The following LIG1 variants were observed in gnomAD, a reference collection of about 807,000 sequenced individuals.
LIG1 encodes ligase I, DNA, ATP-dependent.
A neutral mutation model predicts 115.7 loss-of-function variants in LIG1; 70 were observed. That is an observed-to-expected ratio of 0.60 (90% CI 0.50 to 0.74). The LOEUF is 0.74. Ranked by LOEUF, LIG1 falls within the 30% of genes least tolerant of loss-of-function variation. The probability of loss-of-function intolerance (pLI) is 0.00; values close to 1 mark genes in which losing one functional copy is unlikely to be tolerated. For missense variants in LIG1, 1,115 were observed against 1,225.6 expected (o/e 0.91, Z 1.35); for synonymous variants, 487 against 495.3 (o/e 0.98, Z 0.22).
intron 16 of LIG1, 53 bp downstream of exon 16, chr19:48,135,627 C>A: frequency 7.0e-7 from 1 of 1,428,766 alleles, no homozygotes. Context: ...CCACCCCCAC[C>A]CTGGCACTCT....
chr19:48,156,363 C>T (rs1395317014), intron 5 of LIG1, among the ~76,000 whole-genome samples: 1 of 152,182 alleles, frequency 6.6e-6, no homozygotes, highest in African/African-American at 2.4e-5. Flanking sequence ...TCCATCTCAG[C>T]GCATAACTAC....
chr19:48,136,622 G>A (rs2034406986), intron 14 of LIG1, among the ~76,000 whole-genome samples: 1 of 152,156 alleles, frequency 6.6e-6, no homozygotes. Context: ...ATGAGGTAAG[G>A]CACGGGGCAC....
chr19:48,120,796 G>GAA, intron 24 of LIG1: 35 of 460,556 alleles, frequency 7.6e-5, no homozygotes, highest in South Asian at 1.2e-4. Context: ...GCACATGGCA[G>GAA]AAAAAAAAAA....
intron 9 of LIG1, among the ~76,000 whole-genome samples, chr19:48,147,961 G>C (rs1405752785): frequency 6.6e-6 from 1 of 152,216 alleles, no homozygotes; most frequent in Non-Finnish European, 1.5e-5. Flanking sequence ...CTGGCTCTGT[G>C]GGAAGGAGCT....
intron 21 of LIG1, 39 bp from the exon 22 acceptor site, chr19:48,123,357 T>C (rs777266972): frequency 6.2e-7 from 1 of 1,606,612 alleles, no homozygotes; most frequent in South Asian, 1.1e-5. Flanking sequence ...GAGACATCTT[T>C]GTGAGAATAA....
chr19:48,143,396 C>A (rs982976070), intron 11 of LIG1, 147 bp downstream of exon 11: 1 of 812,106 alleles, frequency 1.2e-6, no homozygotes, highest in Non-Finnish European at 2.2e-6. Context: ...GCTTTTGTGA[C>A]CATGTCTGAC....
intron 19 of LIG1, among the ~76,000 whole-genome samples, chr19:48,128,965 G>A (rs2033847628): frequency 6.6e-6 from 1 of 152,016 alleles, no homozygotes; most frequent in Admixed American, 6.6e-5. Context: ...TCACCATGTT[G>A]GCCAGGCTGG....
chr19:48,141,481 G>A lies in LIG1; in HGVS notation c.915-1338C>T, dbSNP rs1026684059. On this transcript the variant is annotated intron_variant, in intron 11 of 27. Coordinates refer to ENST00000263274, the MANE Select transcript of LIG1 (RefSeq NM_000234.3). ...TCTTCACAGCTCCCCTCTGAGGTAG[G>A]TACCATTATTATTTCCATTTTACGG... 3.3e-5 allele frequency among the ~76,000 whole-genome samples: 5 copies of A among 152,268 alleles called. No homozygotes were observed. The East Asian group carries it at 9.7e-4, about 29-fold the overall frequency.
At chr19:48,135,634 C>T (rs2034330834) in intron 16 of LIG1, 46 bp downstream of exon 16, 1 of 1,483,822 alleles carries the variant, frequency 6.7e-7, no homozygotes, top group African/African-American at 1.4e-5. Context: ...CACCCTGGCA[C>T]TCTGCCCACA....
chr19:48,129,480 G>T (rs1376802608), intron 19 of LIG1, among the ~76,000 whole-genome samples: 12 of 152,212 alleles, frequency 7.9e-5, no homozygotes. Flanking sequence ...TGTGAGCTCA[G>T]TGAGGGCAGA....
Position 48,121,267 on chromosome 19 carries a change from C to T in LIG1, c.2288G>A (p.Gly763Asp). ...CCGCTTCCCCCGGCCCAGGTAGGCGCCGATCACCACCAGGTCCAGGGTGTC... is the reference window on the plus strand; with the variant it reads ...CCGCTTCCCCCGGCCCAGGTAGGCGTCGATCACCACCAGGTCCAGGGTGTC... ...VGDTLDLVVI[G>D]AYLGRGKRAG... The change falls in exon 24 of 28, where the codon GGC becomes GAC. Residue 763 changes from glycine (G) to aspartate (D), a missense_variant. Transcript: ENST00000263274. The T allele has an allele frequency of 6.2e-7, 1 of 1,613,556 alleles. No homozygotes were observed. The highest frequency in any genetic ancestry group is 8.5e-7 in the Non-Finnish European group (1 of 1,179,770).
chr19:48,155,638 G>C (rs2035785403), intron 5 of LIG1, among the ~76,000 whole-genome samples: 1 of 152,140 alleles, frequency 6.6e-6, no homozygotes, highest in Non-Finnish European at 1.5e-5. Flanking sequence ...TAATAAAAAG[G>C]GGGAAAAAAC....
Position 48,153,767 on chromosome 19 carries a change from CACACA to C in LIG1, c.466+100_466+104del, listed in dbSNP as rs2035644992. ...ACACACACACACACACACACACACA[CACACA>C]CCTCTCCTTCTGGGGGCTCACCTTC... On this transcript the variant is annotated intron_variant, in intron 6 of 27. Transcript: ENST00000263274. 16 of 539,402 alleles carry C rather than the reference CACACA, an allele frequency of 3.0e-5. 2 individuals carry two copies. In the East Asian group the frequency reaches 5.9e-4, roughly 20 times the overall value. 33.4% of individuals were successfully genotyped at this position (539,402 alleles called of 1,614,324 possible). A position where few individuals can be genotyped will look rare whatever the true frequency, so the allele number is the denominator to read the frequency against.
Position 48,150,134 on chromosome 19 carries a change from C to G in LIG1, c.651G>C (p.Gln217His). 6.2e-7 allele frequency: 1 copy of G among 1,614,200 alleles called. No homozygotes were observed. Among genetic ancestry groups the G allele is most frequent in the Admixed American group, 1.7e-5 (1 of 60,020 alleles). The change falls in exon 8 of 28, where the codon CAG (glutamine) becomes CAC (histidine). Residue 217 changes from glutamine to histidine, a missense_variant. By Grantham distance (24) the Gln-to-His change is conservative. Transcript: ENST00000263274. The part of the protein sequence containing the change: ...TKQELQEEEE[Q>H]TKPPRRAPKT... ...TGGGAGCTCTGCGGGGAGGCTTGGT[C>G]TGCTCTTCCTCCTCCTGCAGTTCCT...
chr19:48,148,304 T>A (rs762125101), intron 9 of LIG1, among the ~76,000 whole-genome samples: 1 of 151,752 alleles, frequency 6.6e-6, no homozygotes, highest in Non-Finnish European at 1.5e-5. Context: ...TGAAACCCGG[T>A]CTCTACTAAA....
intron 12 of LIG1, 47 bp downstream of exon 12, chr19:48,139,924 G>A: frequency 6.2e-7 from 1 of 1,602,812 alleles, no homozygotes; most frequent in Non-Finnish European, 8.5e-7. Context: ...CATTTTCTCT[G>A]GCTGAGCTCC....
At position 48,132,074 on chromosome 19, in the gene LIG1, G is replaced by C. The variant is rs186824713; in HGVS notation, c.1726-903C>G. ...CTGCCTCAGCCTCCCGAGTAGCTGG[G>C]ACTACAGGCACACGCCACCACACTG... On this transcript the variant is annotated intron_variant, in intron 18 of 27. Transcript: ENST00000263274. Among the ~76,000 whole-genome samples the C allele has an allele frequency of 3.0e-3, 453 of 151,920 alleles. 2 individuals carry two copies. Among genetic ancestry groups the C allele is most frequent in the African/African-American group, 0.01 (434 of 41,430 alleles).
At chr19:48,143,833 G>C (rs770015970) in intron 10 of LIG1, 50 bp downstream of exon 10, 2 of 1,482,614 alleles carry the variant, frequency 1.3e-6, no homozygotes, top group East Asian at 4.5e-5. Context: ...GAGAGCCTCC[G>C]GTGGCAACAG....
At chr19:48,140,825 T>A (rs920998529) in intron 11 of LIG1, among the ~76,000 whole-genome samples, 3 of 151,446 alleles carry the variant, frequency 2.0e-5, no homozygotes, top group Admixed American at 6.6e-5. Context: ...ACTCCCCACT[T>A]ACCAAGCCCC....
Sources: allele counts gnomAD v4.1 joint callset (sites outside exome capture counted in the v4.1 genomes callset), GRCh38; gene constraint gnomAD v4.1.1; transcripts MANE v1.5; gene names NCBI Gene and HGNC (gene_info 2026-07-23, HGNC 2026-07-21).